Variants in CCM2 observed in about 807,000 individuals in gnomAD.
CCM2 encodes cerebral cavernous malformations 2 protein.
In CCM2, 25 loss-of-function variants were observed where a neutral mutation model predicts 44.9. That is an observed-to-expected ratio of 0.56 (90% CI 0.41 to 0.78). The LOEUF (loss-of-function observed/expected upper bound fraction) is 0.78, where lower values mean the gene tolerates loss of function less well. CCM2 is among the 30% of genes least tolerant of loss of function. The pLI is 0.00. For missense variants in CCM2, 481 were observed against 580.6 expected (o/e 0.83, Z 1.76); for synonymous variants, 219 against 241.1 (o/e 0.91, Z 0.85).
Position 45,036,969 on chromosome 7 carries a change from TGGA to T in CCM2, c.31-1279_31-1277del, listed in dbSNP as rs1225275349. Among the ~76,000 whole-genome samples, 10 of 152,286 alleles carry T rather than the reference TGGA, an allele frequency of 6.6e-5. No individual in the cohort carries two copies. The East Asian group carries it at 1.7e-3, about 26-fold the overall frequency. ...CCTGCGTTTCCTCTGTTGAGAGTTA[TGGA>T]GGAGATGGTGGGGAATAAGTTCTCA... is the stretch of plus-strand genomic sequence containing the variant. On this transcript the variant is annotated intron_variant, in intron 1 of 9. Transcript: ENST00000258781.
rs1799244589 is a variant in CCM2 at position 45,074,438 on chromosome 7, G to A, written c.1054+30G>A. 4 of 1,595,006 alleles carry A rather than the reference G, an allele frequency of 2.5e-6. No homozygotes were observed. The South Asian group carries it at 3.3e-5, about 13-fold the overall frequency. ...GTGGGCCCTGGAAAGAGGGTGGCTTGTCCAAACCTGGCTTGGAGAGGCTGA... is the reference window on the plus strand; with the variant it reads ...GTGGGCCCTGGAAAGAGGGTGGCTTATCCAAACCTGGCTTGGAGAGGCTGA... On this transcript the variant is annotated intron_variant, in intron 9 of 9. Coordinates refer to ENST00000258781, the MANE Select transcript of CCM2 (RefSeq NM_031443.4).
intron 2 of CCM2, among the ~76,000 whole-genome samples, chr7:45,043,419 T>C (rs1267558854): frequency 6.6e-6 from 1 of 152,056 alleles, no homozygotes; most frequent in African/African-American, 2.4e-5. Context: ...ATAGAAAAAA[T>C]TATACCTACT....
In CCM2 at chr7:45,076,396, T is replaced by G; in HGVS notation, c.*339T>G. The G allele has an allele frequency of 2.1e-6, 1 of 469,968 alleles. No individual in the cohort carries two copies. The highest frequency in any genetic ancestry group is 4.0e-6 in the Non-Finnish European group (1 of 249,562). 29.1% of individuals were successfully genotyped at this position (469,968 alleles called of 1,614,324 possible). A position where few individuals can be genotyped will look rare whatever the true frequency, so the allele number is the denominator to read the frequency against. Reference sequence around the variant, plus strand: ...CGGCTGTCAGTTTTGCACATGATGTTCCTATTGTAACTCTCAGAGACCTTA... The same window carrying G: ...CGGCTGTCAGTTTTGCACATGATGTGCCTATTGTAACTCTCAGAGACCTTA... On this transcript the variant is annotated 3_prime_UTR_variant, in exon 10 of 10. Coordinates refer to ENST00000258781, the MANE Select transcript of CCM2 (RefSeq NM_031443.4).
At position 45,000,294 on chromosome 7, in the gene CCM2, G is replaced by GGGGCGGGCC. The variant is rs1180788830; in HGVS notation, c.-29_-21dup. The GGGGCGGGCC allele has an allele frequency of 1.6e-4, 197 of 1,226,360 alleles. No individual in the cohort carries two copies. Among genetic ancestry groups the GGGGCGGGCC allele is most frequent in the East Asian group, 3.4e-4 (10 of 29,712 alleles). The allele number at this position is 1,226,360 out of a possible 1,614,324, so 76.0% of individuals were successfully genotyped here. A position where few individuals can be genotyped will look rare whatever the true frequency, so the allele number is the denominator to read the frequency against. Reference sequence around the variant, plus strand: ...AGCGGCTGCTGGCGGCGGGGCTCCCGGGGCGGGCCGGGCGGGCCGCGGGAG... The same window carrying GGGGCGGGCC: ...AGCGGCTGCTGGCGGCGGGGCTCCCGGGGCGGGCCGGGCGGGCCGGGCGGGCCGCGGGAG... On this transcript the variant is annotated 5_prime_UTR_variant, in exon 1 of 10. Coordinates refer to ENST00000258781, the MANE Select transcript of CCM2 (RefSeq NM_031443.4).
intron 6 of CCM2, chr7:45,072,484 C>G: frequency 3.3e-6 from 2 of 614,904 alleles, no homozygotes; most frequent in Non-Finnish European, 5.9e-6. Flanking sequence ...TTCAGCCCAG[C>G]GTGCAGCAGG....
intron 9 of CCM2, 53 bp downstream of exon 9, chr7:45,074,461 T>C: frequency 6.8e-7 from 1 of 1,472,408 alleles, no homozygotes; most frequent in Non-Finnish European, 9.4e-7. Context: ...TTGGAGAGGC[T>C]GATCCCTCCT....
intron 2 of CCM2, among the ~76,000 whole-genome samples, chr7:45,041,707 C>G (rs1165129816): frequency 6.6e-6 from 1 of 152,232 alleles, no homozygotes; most frequent in Admixed American, 6.5e-5. Context: ...GTGAGGGCCA[C>G]TTACTCCTCC....
chr7:45,011,456 C>T (rs1562858429), intron 1 of CCM2, among the ~76,000 whole-genome samples: 1 of 152,128 alleles, frequency 6.6e-6, no homozygotes, highest in Non-Finnish European at 1.5e-5. Context: ...CTTGGCCTCC[C>T]AAAGTGCTGG....
chr7:45,001,814 G>A (rs1311991701), intron 1 of CCM2, among the ~76,000 whole-genome samples: 1 of 152,178 alleles, frequency 6.6e-6, no homozygotes, highest in Non-Finnish European at 1.5e-5. Flanking sequence ...TGAAAAAACA[G>A]TAAAATTATC....
At chr7:45,007,877 G>C (rs1202032836) in intron 1 of CCM2, among the ~76,000 whole-genome samples, 3 of 152,146 alleles carry the variant, frequency 2.0e-5, no homozygotes, top group Non-Finnish European at 4.4e-5. Context: ...AAAAAAAAGA[G>C]AGAAGCCTTT....
Position 45,041,191 on chromosome 7 carries a change from G to A in CCM2, c.204+2765G>A, listed in dbSNP as rs1797479601. Reference sequence around the variant, plus strand: ...ATATGTTTGGGTAGAATAATGTATTGAGAAGTTGCTGAAGAAATAGAATAG... The same window carrying A: ...ATATGTTTGGGTAGAATAATGTATTAAGAAGTTGCTGAAGAAATAGAATAG... On this transcript the variant is annotated intron_variant, in intron 2 of 9. Transcript: ENST00000258781. Among the ~76,000 whole-genome samples the A allele has an allele frequency of 3.3e-5, 5 of 152,190 alleles. No individual in the cohort carries two copies. In the South Asian group the frequency reaches 6.2e-4, roughly 19 times the overall value.
intron 1 of CCM2, chr7:45,029,427 T>C (rs887599445): frequency 3.3e-5 from 5 of 152,214 alleles, no homozygotes; most frequent in Admixed American, 6.5e-5. Context: ...AGTGTTCTTC[T>C]CTTTCTTCCT....
At chr7:45,006,537 G>C (rs1022199625) in intron 1 of CCM2, among the ~76,000 whole-genome samples, 3 of 152,000 alleles carry the variant, frequency 2.0e-5, no homozygotes, top group African/African-American at 7.3e-5. Context: ...GTAGAGATGG[G>C]GTTTCACCGT....
rs961599115 is a variant in CCM2, at chr7:45,053,413, T to A, written c.205-10505T>A. 7.9e-5 allele frequency among the ~76,000 whole-genome samples: 12 copies of A among 152,300 alleles called. No homozygotes were observed. The South Asian group carries it at 2.5e-3, about 32-fold the overall frequency. Reference sequence around the variant, plus strand: ...TAGAAGCTCACCTTAGCCTTCTGCTTATTCCGTTTTGATTTTCTTGTTTAT... The same window carrying A: ...TAGAAGCTCACCTTAGCCTTCTGCTAATTCCGTTTTGATTTTCTTGTTTAT... On this transcript the variant is annotated intron_variant, in intron 2 of 9. Coordinates refer to ENST00000258781, the MANE Select transcript of CCM2 (RefSeq NM_031443.4).
At chr7:45,029,229 T>C (rs892532285) in intron 1 of CCM2, among the ~76,000 whole-genome samples, 5 of 152,332 alleles carry the variant, frequency 3.3e-5, no homozygotes, top group Admixed American at 2.0e-4. Context: ...TCATGAGATG[T>C]ACTGAATGTT....
At chr7:45,073,265 G>T in intron 7 of CCM2, 195 bp from the exon 8 acceptor site, 1 of 624,662 alleles carries the variant, frequency 1.6e-6, no homozygotes, top group Non-Finnish European at 2.9e-6. Flanking sequence ...CCATGCCCCC[G>T]GGGAGCCCCA....
At chr7:45,058,280 G>A (rs1798356150) in intron 2 of CCM2, among the ~76,000 whole-genome samples, 1 of 152,150 alleles carries the variant, frequency 6.6e-6, no homozygotes, top group Admixed American at 6.5e-5. Flanking sequence ...TTAGGGGGAA[G>A]GTATCTAACT....
At chr7:45,027,236 C>T in intron 1 of CCM2, 2 of 286,964 alleles carry the variant, frequency 7.0e-6, no homozygotes, top group South Asian at 6.7e-5. Flanking sequence ...ACTGGAACAG[C>T]CTTGTCGCGT....
chr7:45,039,423 C>T (rs1418216118), intron 2 of CCM2, among the ~76,000 whole-genome samples: 1 of 152,168 alleles, frequency 6.6e-6, no homozygotes, highest in East Asian at 1.9e-4. Context: ...TGGGTTTACC[C>T]AACCAACCAG....
Sources: allele counts gnomAD v4.1 joint callset (sites outside exome capture counted in the v4.1 genomes callset), GRCh38; gene constraint gnomAD v4.1.1; transcripts MANE v1.5; gene names NCBI Gene and HGNC (gene_info 2026-07-23, HGNC 2026-07-21).